SGTB: variants seen among roughly 807,000 people sequenced by gnomAD.
SGTB encodes the protein small glutamine-rich tetratricopeptide repeat-containing protein beta.
SGTB carries 19 observed loss-of-function variants against 43.9 expected under a neutral mutation model. The ratio of observed to expected loss-of-function variants is 0.43; its 90% confidence interval spans 0.30 to 0.63. SGTB has a LOEUF of 0.63. SGTB is among the 30% of genes least tolerant of loss of function. The pLI, the probability that SGTB is intolerant of heterozygous loss-of-function variation, is 0.12. For synonymous variants in SGTB, 116 were observed against 117.3 expected (o/e 0.99, Z 0.07); for missense variants, 304 against 358.9 (o/e 0.85, Z 1.24).
chr5:65,712,846 C>A, intron 3 of SGTB, 115 bp downstream of exon 3: 1 of 680,760 alleles, frequency 1.5e-6, no homozygotes, highest in South Asian at 2.1e-5. Context: ...GACTATTTAC[C>A]TTATATACAG....
At chr5:65,699,510 AC>A (rs1260112170) in intron 5 of SGTB, among the ~76,000 whole-genome samples, 1 of 152,208 alleles carries the variant, frequency 6.6e-6, no homozygotes, top group Non-Finnish European at 1.5e-5. Context: ...GTAACCAAAA[AC>A]CACATGTACC....
chr5:65,670,770 A>C (rs1163479084), intron 10 of SGTB, among the ~76,000 whole-genome samples: 3 of 152,260 alleles, frequency 2.0e-5, no homozygotes, highest in Non-Finnish European at 2.9e-5. Flanking sequence ...AAAAACACTA[A>C]GAAGTTTAAC....
chr5:65,671,058 T>C (rs1757144591), intron 10 of SGTB, among the ~76,000 whole-genome samples: 1 of 152,218 alleles, frequency 6.6e-6, no homozygotes, highest in Admixed American at 6.5e-5. Flanking sequence ...CTGAAAAAGT[T>C]TGAATAAAAA....
At chr5:65,674,040 T>C (rs1366050605) in intron 8 of SGTB, among the ~76,000 whole-genome samples, 1 of 152,114 alleles carries the variant, frequency 6.6e-6, no homozygotes, top group African/African-American at 2.4e-5. Context: ...AGGTTGAGGG[T>C]TAAATGGAGG....
At chr5:65,697,867 G>A (rs2150715032) in intron 5 of SGTB, among the ~76,000 whole-genome samples, 1 of 152,284 alleles carries the variant, frequency 6.6e-6, no homozygotes, top group African/African-American at 2.4e-5. Context: ...TCAAACAATA[G>A]AATATTATTG....
rs148315306 is a variant in SGTB at position 65,713,287 on chromosome 5, T to C, written c.101-223A>G. On this transcript the variant is annotated intron_variant, in intron 2 of 10. Coordinates refer to ENST00000381007, the MANE Select transcript of SGTB (RefSeq NM_019072.3). Reference sequence around the variant, plus strand: ...CTTCCTCCCCCTCACACTCTCCCTTTCCCTTCTCCTTCCCCTTCCCTCCCT... The same window carrying C: ...CTTCCTCCCCCTCACACTCTCCCTTCCCCTTCTCCTTCCCCTTCCCTCCCT... Among the ~76,000 whole-genome samples, 28 of 152,134 alleles carry C rather than the reference T, an allele frequency of 1.8e-4. No homozygotes were observed. The East Asian group carries it at 4.8e-3, about 26-fold the overall frequency.
upstream of SGTB, chr5:65,722,239 C>T: frequency 5.9e-6 from 3 of 512,246 alleles, no homozygotes; most frequent in Non-Finnish European, 9.6e-6. Context: ...CGTGGGAGGG[C>T]GCTGGCCAGG....
chr5:65,702,950 T>C (rs112103342), intron 5 of SGTB, among the ~76,000 whole-genome samples: 117 of 152,324 alleles, frequency 7.7e-4, no homozygotes, highest in African/African-American at 2.7e-3. Flanking sequence ...CCAAAACAGA[T>C]ACATTCCTAG....
chr5:65,683,188 C>A (rs1486338449), intron 6 of SGTB, among the ~76,000 whole-genome samples: 1 of 150,418 alleles, frequency 6.6e-6, no homozygotes. Context: ...CTGTAAACAG[C>A]AAAATCACAA....
intron 3 of SGTB, among the ~76,000 whole-genome samples, chr5:65,711,927 G>A (rs561923355): frequency 1.3e-5 from 2 of 152,204 alleles, no homozygotes; most frequent in Admixed American, 1.3e-4. Context: ...AAAACAAAAG[G>A]AGCCCACGAG....
chr5:65,681,638 T>C (rs915944401), intron 6 of SGTB, among the ~76,000 whole-genome samples: 36 of 152,230 alleles, frequency 2.4e-4, no homozygotes, highest in African/African-American at 7.9e-4. Flanking sequence ...ACTGAAACTC[T>C]ATGATGTATA....
intron 1 of SGTB, among the ~76,000 whole-genome samples, chr5:65,721,068 G>T (rs1758264344): frequency 6.6e-6 from 1 of 152,072 alleles, no homozygotes; most frequent in Non-Finnish European, 1.5e-5. Flanking sequence ...TTAAATCTTG[G>T]AATAAGTAAA....
chr5:65,717,091 A>G (rs1212679966), intron 2 of SGTB, among the ~76,000 whole-genome samples: 1 of 152,190 alleles, frequency 6.6e-6, no homozygotes, highest in Non-Finnish European at 1.5e-5. Flanking sequence ...TATCAATGAC[A>G]GCTAATAACT....
Position 65,704,340 on chromosome 5 carries a change from C to A in SGTB, c.313G>T (p.Val105Leu). 6.2e-7 allele frequency: 1 copy of A among 1,612,756 alleles called. No individual in the cohort carries two copies. The highest frequency in any genetic ancestry group is 8.5e-7 in the Non-Finnish European group (1 of 1,179,388). ...HMKEENYAAA[V>L]DCYTQAIELD... Reference sequence around the variant, plus strand: ...TCTATTGCCTGTGTGTAACAATCCACTGCAGCAGCATAATTTTCTTCTTTC... The same window carrying A: ...TCTATTGCCTGTGTGTAACAATCCAATGCAGCAGCATAATTTTCTTCTTTC... The change falls in exon 5 of 11, where the codon GTG becomes TTG. Residue 105 changes from valine to leucine, a missense_variant. By Grantham distance (32) the Val-to-Leu change is conservative. Coordinates refer to ENST00000381007, the MANE Select transcript of SGTB (RefSeq NM_019072.3).
intron 4 of SGTB, among the ~76,000 whole-genome samples, chr5:65,706,746 C>A (rs1757940467): frequency 6.6e-6 from 1 of 151,028 alleles, no homozygotes; most frequent in Admixed American, 6.6e-5. Flanking sequence ...GCAGGAAAAT[C>A]ACTTGAACCT....
chr5:65,698,792 A>G (rs997905477), intron 5 of SGTB, among the ~76,000 whole-genome samples: 2 of 152,230 alleles, frequency 1.3e-5, no homozygotes, highest in Admixed American at 6.5e-5. Context: ...GCTCAACATC[A>G]CTAATTTTCA....
At chr5:65,703,527 C>G (rs1477511890) in intron 5 of SGTB, among the ~76,000 whole-genome samples, 2 of 151,786 alleles carry the variant, frequency 1.3e-5, no homozygotes, top group Admixed American at 1.3e-4. Context: ...CCAACTTGAA[C>G]AGTGAAACCC....
intron 8 of SGTB, among the ~76,000 whole-genome samples, chr5:65,674,987 A>T (rs1219094206): frequency 6.6e-6 from 1 of 152,240 alleles, no homozygotes; most frequent in African/African-American, 2.4e-5. Flanking sequence ...GATTTAATGG[A>T]TGCAAGACAC....
chr5:65,680,739 C>A lies in SGTB; in HGVS notation c.535G>T (p.Ala179Ser). 6.2e-7 allele frequency: 1 copy of A among 1,613,996 alleles called. No individual in the cohort carries two copies. Among genetic ancestry groups the A allele is most frequent in the Non-Finnish European group, 8.5e-7 (1 of 1,179,980 alleles). Residue 179 changes from alanine (A) to serine (S), a missense_variant, in exon 7 of 11, where the codon GCA becomes TCA. Physicochemically the swap from Ala to Ser is moderately conservative, Grantham distance 99 (BLOSUM62 1). Coordinates refer to ENST00000381007, the MANE Select transcript of SGTB (RefSeq NM_019072.3). ...FEEAVTSYQK[A>S]LDLDPENDSY... ...TCATTTTCAGGGTCAAGATCTAATG[C>A]CTTTTGATAACTTGTAACTGCTTCT...
Sources: allele counts gnomAD v4.1 joint callset (sites outside exome capture counted in the v4.1 genomes callset), GRCh38; gene constraint gnomAD v4.1.1; transcripts MANE v1.5; gene names NCBI Gene and HGNC (gene_info 2026-07-23, HGNC 2026-07-21).